Variants in NSA2 observed in about 807,000 individuals in gnomAD.
NSA2 encodes the protein ribosome biogenesis protein NSA2 homolog.
A neutral mutation model predicts 34.8 loss-of-function variants in NSA2; 18 were observed. The ratio of observed to expected loss-of-function variants is 0.52; its 90% CI spans 0.36 to 0.77. The LOEUF is 0.77. NSA2 is among the 30% of genes least tolerant of loss of function. The pLI, the probability that NSA2 is intolerant of heterozygous loss-of-function variation, is 0.00. For missense variants in NSA2, 188 were observed against 314.7 expected (o/e 0.60, Z 3.05); for synonymous variants, 79 against 100.2 (o/e 0.79, Z 1.26).
chr5:74,773,852 G>A lies in NSA2; in HGVS notation c.523-16G>A, dbSNP rs1365937572. ...TTTTGGACGTAAACATTCTTATGTT[G>A]TGTTTGACTTACTAGGGCTTGCGTT... is the stretch of plus-strand genomic sequence containing the variant. On this transcript the variant is annotated splice_polypyrimidine_tract_variant and intron_variant, in intron 4 of 5. Coordinates refer to ENST00000610426, the MANE Select transcript of NSA2 (RefSeq NM_014886.6). 3.7e-6 allele frequency: 6 copies of A among 1,602,326 alleles called. No homozygotes were observed. The African/African-American group carries it at 5.4e-5, about 14-fold the overall frequency.
chr5:74,776,510 A>AAAAG, intron 5 of NSA2, 94 bp from the exon 6 acceptor site: 1 of 705,310 alleles, frequency 1.4e-6, no homozygotes, highest in Non-Finnish European at 2.5e-6. Flanking sequence ...TATTAAGACA[A>AAAAG]AAAGAAAAAA....
intron 1 of NSA2, 78 bp downstream of exon 1, chr5:74,767,441 A>AG: frequency 6.4e-7 from 1 of 1,567,250 alleles, no homozygotes; most frequent in Non-Finnish European, 8.7e-7. Context: ...GCGCTGGGGT[A>AG]GGGGGTGAGC....
Position 74,778,213 on chromosome 5 carries a change from C to G in NSA2, c.*1542C>G, listed in dbSNP as rs2112434950. The G allele has an allele frequency of 6.6e-6, 1 of 151,746 alleles. No individual in the cohort carries two copies. Among genetic ancestry groups the G allele is most frequent in the Middle Eastern group, 3.4e-3 (1 of 296 alleles). 9.4% of individuals were successfully genotyped at this position (151,746 alleles called of 1,614,324 possible). ...GCATAACATTTGTAACTAATCACAC[C>G]CATGAAAGACGACTAGATGACACCT... is the stretch of plus-strand genomic sequence containing the variant. On this transcript the variant is annotated 3_prime_UTR_variant, in exon 6 of 6. Transcript: ENST00000610426.
At position 74,777,806 on chromosome 5, in the gene NSA2, C is replaced by T. The variant is rs1745198038; in HGVS notation, c.*1135C>T. On this transcript the variant is annotated 3_prime_UTR_variant, in exon 6 of 6. Transcript: ENST00000610426. The stretch of plus-strand genomic sequence containing the variant: ...TAAAAAAAAATAAAAACCAAGAAAA[C>T]AAACATAGGTACTCCAGTAAGACTT... 1 of 151,604 alleles carries T rather than the reference C, an allele frequency of 6.6e-6. No homozygotes were observed. The highest frequency in any genetic ancestry group is 1.5e-5 in the Non-Finnish European group (1 of 67,778). 9.4% of individuals were successfully genotyped at this position (151,604 alleles called of 1,614,324 possible).
At chr5:74,776,545 A>G in intron 5 of NSA2, 59 bp from the exon 6 acceptor site, 1 of 874,758 alleles carries the variant, frequency 1.1e-6, no homozygotes, top group Non-Finnish European at 1.9e-6. Context: ...ATTCTTTAAA[A>G]TTAATTTTTA....
intron 5 of NSA2, among the ~76,000 whole-genome samples, chr5:74,775,636 G>C (rs544008287): frequency 3.3e-5 from 5 of 151,468 alleles, no homozygotes; most frequent in African/African-American, 9.7e-5. Context: ...AAAATATTTT[G>C]ATCTTTTTTA....
chr5:74,776,684 A>G lies in NSA2; in HGVS notation c.*13A>G. 9 of 1,389,200 alleles carry G rather than the reference A, an allele frequency of 6.5e-6. No homozygotes were observed. The highest frequency in any genetic ancestry group is 9.2e-6 in the Non-Finnish European group (9 of 977,164). The allele number at this position is 1,389,200 out of a possible 1,614,324, so 86.1% of individuals were successfully genotyped here. A position where few individuals can be genotyped will look rare whatever the true frequency, so the allele number is the denominator to read the frequency against. ...CTTACTGGTTTGACAGCAATTTCAT[A>G]TATAATTATTGAGGACTACACACCA... is the stretch of plus-strand genomic sequence containing the variant. On this transcript the variant is annotated 3_prime_UTR_variant, in exon 6 of 6. Transcript: ENST00000610426.
chr5:74,776,737 T>C lies in NSA2; in HGVS notation c.*66T>C. The C allele has an allele frequency of 1.2e-6, 1 of 830,492 alleles. No homozygotes were observed. The allele number at this position is 830,492 out of a possible 1,614,324, so 51.4% of individuals were successfully genotyped here. A position where few individuals can be genotyped will look rare whatever the true frequency, so the allele number is the denominator to read the frequency against. ...TGAAGAAACTGCCATTACTGTGATG[T>C]TTCTGAATACTACCAAACAGCCATA... On this transcript the variant is annotated 3_prime_UTR_variant, in exon 6 of 6. Coordinates refer to ENST00000610426, the MANE Select transcript of NSA2 (RefSeq NM_014886.6).
intron 4 of NSA2, among the ~76,000 whole-genome samples, chr5:74,773,632 CCT>C (rs1745018002): frequency 6.6e-6 from 1 of 151,990 alleles, no homozygotes; most frequent in Non-Finnish European, 1.5e-5. Flanking sequence ...TGGGCAAGAC[CCT>C]GTCTCAAAAG....
At chr5:74,767,732 C>T (rs935562378) in intron 1 of NSA2, among the ~76,000 whole-genome samples, 3 of 152,206 alleles carry the variant, frequency 2.0e-5, no homozygotes, top group Non-Finnish European at 4.4e-5. Context: ...GTCCCGCCCC[C>T]TTCATTTTAC....
At position 74,773,856 on chromosome 5, in the gene NSA2, TTGAC is replaced by T. The variant is rs1437507235; in HGVS notation, c.523-10_523-7del. 1 of 1,605,068 alleles carries T rather than the reference TTGAC, an allele frequency of 6.2e-7. No homozygotes were observed. The highest frequency in any genetic ancestry group is 1.3e-5 in the African/African-American group (1 of 74,658). On this transcript the variant is annotated splice_region_variant and splice_polypyrimidine_tract_variant and intron_variant, in intron 4 of 5. Transcript: ENST00000610426. ...GGACGTAAACATTCTTATGTTGTGT[TTGAC>T]TTACTAGGGCTTGCGTTTCAAGAAA... is the stretch of plus-strand genomic sequence containing the variant.
chr5:74,769,996 A>G (rs6882035), intron 3 of NSA2, among the ~76,000 whole-genome samples: 24,501 of 152,142 alleles, frequency 0.16, 2,401 homozygotes, highest in African/African-American at 0.28. Flanking sequence ...CTCTTCCAGT[A>G]TTATGCTATT....
In NSA2 at chr5:74,778,980, C is replaced by T. The variant is rs1745267740; in HGVS notation, c.*2309C>T. 6.6e-6 allele frequency: 1 copy of T among 152,068 alleles called. No individual in the cohort carries two copies. The highest frequency in any genetic ancestry group is 1.5e-5 in the Non-Finnish European group (1 of 67,942). 9.4% of individuals were successfully genotyped at this position (152,068 alleles called of 1,614,324 possible). A position where few individuals can be genotyped will look rare whatever the true frequency, so the allele number is the denominator to read the frequency against. The stretch of plus-strand genomic sequence containing the variant: ...GATAAATTGTGGTATAAATTCTATA[C>T]TCAAGTTACTGAACATGAGAGTTAG... On this transcript the variant is annotated 3_prime_UTR_variant, in exon 6 of 6. Coordinates refer to ENST00000610426, the MANE Select transcript of NSA2 (RefSeq NM_014886.6).
In NSA2 at chr5:74,767,274, G is replaced by T. The variant is rs1744698788; in HGVS notation, c.-87G>T. The T allele has an allele frequency of 5.9e-6, 9 of 1,532,458 alleles. No individual in the cohort carries two copies. The South Asian group carries it at 1.0e-4, about 17-fold the overall frequency. The allele number at this position is 1,532,458 out of a possible 1,614,324, so 94.9% of individuals were successfully genotyped here. On this transcript the variant is annotated 5_prime_UTR_variant, in exon 1 of 6. Transcript: ENST00000610426. ...ACTCTTTCCTGTCCCGGCCTGCGTG[G>T]TGTGGGCTTGTGGGTCTTTGAGACC...
rs1035803069 is a variant in NSA2 at position 74,778,452 on chromosome 5, T to C, written c.*1781T>C. The C allele has an allele frequency of 6.6e-6, 1 of 152,006 alleles. No individual in the cohort carries two copies. Among genetic ancestry groups the C allele is most frequent in the South Asian group, 2.1e-4 (1 of 4,826 alleles). The allele number at this position is 152,006 out of a possible 1,614,324, so 9.4% of individuals were successfully genotyped here. On this transcript the variant is annotated 3_prime_UTR_variant, in exon 6 of 6. Coordinates refer to ENST00000610426, the MANE Select transcript of NSA2 (RefSeq NM_014886.6). ...AAGATTTCTAGTCACTGAAACCCCA[T>C]TGTAGGTAGTGTTCTGGAGTCTGCT... is the stretch of plus-strand genomic sequence containing the variant.
chr5:74,772,901 G>A (rs1457271452), intron 4 of NSA2, among the ~76,000 whole-genome samples: 4 of 152,124 alleles, frequency 2.6e-5, no homozygotes, highest in Non-Finnish European at 4.4e-5. Flanking sequence ...ATGTTGTGAC[G>A]TTTAAAGTAC....
At chr5:74,767,410 G>C (rs951993149) in intron 1 of NSA2, 47 bp downstream of exon 1, 1 of 1,610,412 alleles carries the variant, frequency 6.2e-7, no homozygotes, top group Non-Finnish European at 8.5e-7. Flanking sequence ...GTCTGAGTTA[G>C]TGGGACCTGA....
At chr5:74,775,710 A>T (rs1322774357) in intron 5 of NSA2, among the ~76,000 whole-genome samples, 1 of 152,130 alleles carries the variant, frequency 6.6e-6, no homozygotes, top group Non-Finnish European at 1.5e-5. Context: ...TTGTAAAAAA[A>T]AAATAGAATA....
In NSA2 at chr5:74,770,462, T is replaced by C. The variant is rs565879914; in HGVS notation, c.343-169T>C. ...TGATATATAAACTTGTTCTGTTTAA[T>C]TTGCAGCTTATGAGACAATACAGAC... On this transcript the variant is annotated intron_variant, in intron 3 of 5. Coordinates refer to ENST00000610426, the MANE Select transcript of NSA2 (RefSeq NM_014886.6). Among the ~76,000 whole-genome samples, 11 of 152,302 alleles carry C rather than the reference T, an allele frequency of 7.2e-5. No individual in the cohort carries two copies. The South Asian group carries it at 2.1e-3, about 29-fold the overall frequency.
Sources: gnomAD v4.1 joint callset for allele counts (sites outside exome capture counted in the v4.1 genomes callset) on GRCh38, gnomAD v4.1.1 for gene constraint, MANE v1.5 for transcripts, NCBI Gene and HGNC (gene_info 2026-07-23, HGNC 2026-07-21) for gene names.